The following ZNF821 variants were observed in gnomAD, a reference collection of about 807,000 sequenced individuals.
The protein encoded by ZNF821 is zinc finger protein 821.
A neutral mutation model predicts 44.3 loss-of-function variants in ZNF821; 16 were observed. The ratio of observed to expected loss-of-function variants is 0.36; its 90% CI spans 0.24 to 0.55. ZNF821 has a LOEUF of 0.55. ZNF821 is among the 20% of genes least tolerant of loss of function. The probability of loss-of-function intolerance (pLI) is 0.86; values close to 1 mark genes in which losing one functional copy is unlikely to be tolerated. For synonymous variants in ZNF821, 204 were observed against 197.6 expected (o/e 1.03, Z -0.27); for missense variants, 436 against 547.6 (o/e 0.80, Z 2.03).
At chr16:71,863,945 G>A (rs772797331) in intron 6 of ZNF821, among the ~76,000 whole-genome samples, 193 bp downstream of exon 6, 7 of 152,102 alleles carry the variant, frequency 4.6e-5, no homozygotes, top group Non-Finnish European at 1.0e-4. Flanking sequence ...TGATCTACCC[G>A]CCTCGGCTTC....
chr16:71,864,931 A>G lies in ZNF821; in HGVS notation c.284T>C (p.Val95Ala), dbSNP rs1210764567. ...EKELENTEQP[V>A]GGNEVVEHEV... Reference sequence around the variant, plus strand: ...GTGCTCTACCACTTCGTTCCCACCAACAGGCTGTTCTGTATTTTCTAACTC... The same window carrying G: ...GTGCTCTACCACTTCGTTCCCACCAGCAGGCTGTTCTGTATTTTCTAACTC... Residue 95 changes from valine to alanine, a missense_variant, in exon 5 of 8, where the codon GTT becomes GCT. Val to Ala is a moderately conservative substitution (Grantham distance 64, BLOSUM62 0). Coordinates refer to ENST00000425432, the MANE Select transcript of ZNF821 (RefSeq NM_001201552.2). 6.2e-7 allele frequency: 1 copy of G among 1,614,028 alleles called. No homozygotes were observed. Among genetic ancestry groups the G allele is most frequent in the Non-Finnish European group, 8.5e-7 (1 of 1,180,026 alleles).
At position 71,892,178 on chromosome 16, in the gene ZNF821, C is replaced by CAAAAAAAAAAAAAAAAA. The variant is rs560376648; in HGVS notation, n.448+2694_448+2710dup. ...GGGCAACAAGAGAGAAACTCCGTCTCAAAAAAAAAAAAAAAAAAAAAAAAA... is the reference window on the plus strand; with the variant it reads ...GGGCAACAAGAGAGAAACTCCGTCTCAAAAAAAAAAAAAAAAAAAAAAAAAAAAAAAAAAAAAAAAAA... On this transcript the variant is annotated intron_variant and non_coding_transcript_variant, in intron 1 of 2. Coordinates refer to the ZNF821 transcript ENST00000561700. 2.5e-4 allele frequency among the ~76,000 whole-genome samples: 8 copies of CAAAAAAAAAAAAAAAAA among 31,938 alleles called. 1 individual carries two copies. The highest frequency in any genetic ancestry group is 3.5e-4 in the African/African-American group (4 of 11,518). The allele number at this position is 31,938 out of a possible 152,430, so 21.0% of individuals were successfully genotyped here. A position where few individuals can be genotyped will look rare whatever the true frequency, so the allele number is the denominator to read the frequency against.
At chr16:71,867,400 A>T (rs1332247615) in intron 4 of ZNF821, among the ~76,000 whole-genome samples, 1 of 152,126 alleles carries the variant, frequency 6.6e-6, no homozygotes, top group Non-Finnish European at 1.5e-5. Context: ...AAAAATATAT[A>T]TATCGGCCAG....
At chr16:71,868,970 T>C (rs1405802260) in intron 3 of ZNF821, among the ~76,000 whole-genome samples, 1 of 151,926 alleles carries the variant, frequency 6.6e-6, no homozygotes, top group Non-Finnish European at 1.5e-5. Flanking sequence ...CCAGTCCAGT[T>C]TTTTTTTAAA....
chr16:71,880,392 C>CA (rs1368776872), intron 2 of ZNF821: 1 of 153,584 alleles, frequency 6.5e-6, no homozygotes, highest in Non-Finnish European at 1.4e-5. Context: ...CAAAAGGAAG[C>CA]AAAAGGAAGC....
At chr16:71,861,028 G>A (rs1162424179) in intron 7 of ZNF821, among the ~76,000 whole-genome samples, 1 of 152,040 alleles carries the variant, frequency 6.6e-6, no homozygotes, top group Non-Finnish European at 1.5e-5. Context: ...GCTAATTTTT[G>A]TATTTTTAGT....
At position 71,889,982 on chromosome 16, in the gene ZNF821, A is replaced by C. The variant is rs191533844; in HGVS notation, n.448+4907T>G. ...GGCAAAACAAAACAAAAACAAAAAC[A>C]AAAAAATGATTTTTGACCTGCAGCT... On this transcript the variant is annotated intron_variant and non_coding_transcript_variant, in intron 1 of 2. Transcript: ENST00000561700. 7.9e-5 allele frequency among the ~76,000 whole-genome samples: 12 copies of C among 152,252 alleles called. No homozygotes were observed. The East Asian group carries it at 2.3e-3, about 29-fold the overall frequency.
chr16:71,887,129 C>T (rs1333570962), upstream of ZNF821, among the ~76,000 whole-genome samples: 1 of 152,152 alleles, frequency 6.6e-6, no homozygotes, highest in Admixed American at 6.6e-5. Flanking sequence ...GGCTACTATG[C>T]ATAATGCTAC....
Position 71,860,646 on chromosome 16 carries a change from A to T in ZNF821, c.611T>A (p.Met204Lys). 1 of 1,613,634 alleles carries T rather than the reference A, an allele frequency of 6.2e-7. No homozygotes were observed. Among genetic ancestry groups the T allele is most frequent in the Non-Finnish European group, 8.5e-7 (1 of 1,179,846 alleles). The change falls in exon 8 of 8, where the codon ATG becomes AAG. Residue 204 changes from methionine to lysine, a missense_variant. By Grantham distance (95) the Met-to-Lys change is moderately conservative (BLOSUM62 -1). This residue lies in a region of ZNF821 where 238 missense variants were observed against 281.4 expected (regional missense o/e 0.85). Transcript: ENST00000425432. The surrounding 1 kb of genome is among the most constrained non-coding windows in gnomAD (Gnocchi z 7.3). ...ATTGTGGACTGTGGGTAGGGATTCC[A>T]TATTTAGTACTTCAGGAAGTTTCTC... ...NSEKLPEVLNMESLPTVHNEG... is the reference protein window; with the variant it reads ...NSEKLPEVLNKESLPTVHNEG...
At chr16:71,886,143 T>C (rs1023556967), upstream of ZNF821, among the ~76,000 whole-genome samples, 2 of 152,248 alleles carry the variant, frequency 1.3e-5, no homozygotes, top group Admixed American at 1.3e-4. Context: ...AATGAGATGA[T>C]AATAATGCTA....
intron 2 of ZNF821, 44 bp from the exon 3 acceptor site, chr16:71,880,067 G>A: frequency 1.1e-6 from 1 of 879,446 alleles, no homozygotes; most frequent in Non-Finnish European, 1.7e-6. Flanking sequence ...ATTTTCCCCA[G>A]CAGTTACACA....
rs769245219 is a variant in ZNF821, at chr16:71,864,910, T to G, written c.305A>C (p.Glu102Ala). ...EQPVGGNEVV[E>A]HEVTGNLNSD... ...GGGGCCATCGTCACTTGCCTCGTGCTCTACCACTTCGTTCCCACCAACAGG... is the reference window on the plus strand; with the variant it reads ...GGGGCCATCGTCACTTGCCTCGTGCGCTACCACTTCGTTCCCACCAACAGG... Residue 102 changes from glutamate (E) to alanine (A), a missense_variant, in exon 5 of 8, where the codon GAG (glutamate) becomes GCG (alanine). Physicochemically the swap from Glu to Ala is moderately radical, Grantham distance 107. This residue lies in a region of ZNF821 where 238 missense variants were observed against 281.4 expected (regional missense o/e 0.85). Transcript: ENST00000425432. The G allele has an allele frequency of 5.5e-5, 89 of 1,614,050 alleles. No individual in the cohort carries two copies. Among genetic ancestry groups the G allele is most frequent in the Non-Finnish European group, 7.4e-5 (87 of 1,180,020 alleles).
chr16:71,876,261 T>C (rs774191855), intron 3 of ZNF821, among the ~76,000 whole-genome samples: 5 of 152,188 alleles, frequency 3.3e-5, no homozygotes, highest in African/African-American at 4.8e-5. Flanking sequence ...TAGAGTGCAG[T>C]GGCACTATCT....
chr16:71,872,091 A>G (rs1480990704), intron 3 of ZNF821, among the ~76,000 whole-genome samples: 2 of 151,924 alleles, frequency 1.3e-5, no homozygotes, highest in Admixed American at 1.3e-4. Flanking sequence ...TTGGCCTCCC[A>G]AAGTGGTGGG....
At chr16:71,875,652 C>T (rs1485510291) in intron 3 of ZNF821, among the ~76,000 whole-genome samples, 6 of 152,024 alleles carry the variant, frequency 3.9e-5, no homozygotes, top group African/African-American at 9.7e-5. Flanking sequence ...TTAGTAGAGA[C>T]GGGGTTACAC....
chr16:71,869,928 C>T (rs755897398), intron 3 of ZNF821, among the ~76,000 whole-genome samples: 6 of 152,194 alleles, frequency 3.9e-5, no homozygotes, highest in Non-Finnish European at 7.3e-5. Flanking sequence ...TGAGTCACTG[C>T]GCCCAGCCTA....
rs921196701 is a variant in ZNF821, at chr16:71,860,857, T to A, written c.585-185A>T. Among the ~76,000 whole-genome samples, 2 of 18,684 alleles carry A rather than the reference T, an allele frequency of 1.1e-4. No homozygotes were observed. Among genetic ancestry groups the A allele is most frequent in the Non-Finnish European group, 4.1e-4 (2 of 4,872 alleles). 12.3% of individuals were successfully genotyped at this position (18,684 alleles called of 152,430 possible). On this transcript the variant is annotated intron_variant, in intron 7 of 7. Transcript: ENST00000425432. The surrounding 1 kb of genome is among the most constrained non-coding windows in gnomAD (Gnocchi z 7.3). Reference sequence around the variant, plus strand: ...CTTCGCGTGAGAGTTGTCTACCAACTTTTTTTTTTTTTTTTTGAGACAGAG... The same window carrying A: ...CTTCGCGTGAGAGTTGTCTACCAACATTTTTTTTTTTTTTTTGAGACAGAG...
rs1175710618 is a variant in ZNF821 at position 71,859,745 on chromosome 16, T to C, written c.*273A>G. 2.1e-6 allele frequency: 1 copy of C among 480,624 alleles called. No homozygotes were observed. The highest frequency in any genetic ancestry group is 3.7e-6 in the Non-Finnish European group (1 of 273,010). The allele number at this position is 480,624 out of a possible 1,614,324, so 29.8% of individuals were successfully genotyped here. On this transcript the variant is annotated 3_prime_UTR_variant, in exon 8 of 8. Transcript: ENST00000425432. ...CATGGGCCACACAGGGGCCCCACAG[T>C]CCTAGAAGCACAGCCTGTGGCAGTG... is the stretch of plus-strand genomic sequence containing the variant.
intron 3 of ZNF821, among the ~76,000 whole-genome samples, chr16:71,873,033 T>TAC (rs2035390214): frequency 6.6e-6 from 1 of 152,034 alleles, no homozygotes; most frequent in African/African-American, 2.4e-5. Context: ...CAGAAATGTG[T>TAC]ACTCAGGGCT....
Sources: gnomAD v4.1 joint callset for allele counts (sites outside exome capture counted in the v4.1 genomes callset) on GRCh38, gnomAD v4.1.1 for gene constraint, gnomAD v4.1.1 regional missense constraint, Gnocchi (gnomAD v3.1) non-coding constraint, MANE v1.5 for transcripts, NCBI Gene and HGNC (gene_info 2026-07-23, HGNC 2026-07-21) for gene names.